Variants in IL17RD observed in about 807,000 individuals in gnomAD.
IL17RD encodes the protein interleukin-17 receptor D.
IL17RD carries 52 observed loss-of-function variants against 80.5 expected under a neutral mutation model. The observed-to-expected ratio is 0.65, with a 90% CI of 0.52 to 0.81. IL17RD has a LOEUF of 0.81. Among genes scored for constraint, IL17RD ranks in the 40% least tolerant of loss-of-function variants. The pLI, the probability that IL17RD is intolerant of heterozygous loss-of-function variation, is 0.00. For synonymous variants in IL17RD, 416 were observed against 391.8 expected (o/e 1.06, Z -0.73); for missense variants, 1,024 against 955.1 (o/e 1.07, Z -0.95).
In IL17RD at chr3:57,097,688, G is replaced by C. The variant is rs1283401346; in HGVS notation, c.2015C>G (p.Ser672Cys). The C allele has an allele frequency of 1.2e-6, 2 of 1,606,344 alleles. No individual in the cohort carries two copies. The highest frequency in any genetic ancestry group is 2.7e-5 in the African/African-American group (2 of 74,860). Reference protein sequence around the residue: ...SGIYDSSVPSSELSLPLMEGL... With the variant: ...SGIYDSSVPSCELSLPLMEGL... Reference sequence around the variant, plus strand: ...TTCCATCAGTGGCAGAGACAGCTCGGATGAGGGCACAGACGAGTCATAGAT... The same window carrying C: ...TTCCATCAGTGGCAGAGACAGCTCGCATGAGGGCACAGACGAGTCATAGAT... Residue 672 changes from serine (S) to cysteine (C), a missense_variant, in exon 12 of 13, where the codon TCC becomes TGC. Ser to Cys is a moderately radical substitution (Grantham distance 112). Transcript: ENST00000296318.
At chr3:57,134,314 G>A (rs549633101) in intron 1 of IL17RD, 13 of 685,100 alleles carry the variant, frequency 1.9e-5, no homozygotes, top group African/African-American at 1.1e-4. Flanking sequence ...TTCCATTCCC[G>A]GGCTTGATGC....
intron 1 of IL17RD, among the ~76,000 whole-genome samples, chr3:57,135,867 C>A (rs1707714337): frequency 6.8e-6 from 1 of 146,962 alleles, no homozygotes; most frequent in South Asian, 2.1e-4. Flanking sequence ...CGGCTGTGTA[C>A]ATGGAAAAGG....
rs540245898 is a variant in IL17RD at position 57,110,544 on chromosome 3, G to A, written c.311-233C>T. Among the ~76,000 whole-genome samples, 6 of 152,224 alleles carry A rather than the reference G, an allele frequency of 3.9e-5. No homozygotes were observed. The South Asian group carries it at 1.0e-3, about 26-fold the overall frequency. On this transcript the variant is annotated intron_variant, in intron 3 of 12. Coordinates refer to ENST00000296318, the MANE Select transcript of IL17RD (RefSeq NM_017563.5). ...TACTAATTAATCCCTAATCCAGCCA[G>A]CTATTTCATAAATACCTATTGCCTC...
rs761626706 is a variant in IL17RD at position 57,098,140 on chromosome 3, C to G, written c.1563G>C (p.Pro521=). 4.3e-6 allele frequency: 7 copies of G among 1,613,826 alleles called. No homozygotes were observed. Among genetic ancestry groups the G allele is most frequent in the Non-Finnish European group, 5.9e-6 (7 of 1,179,886 alleles). The change falls in exon 12 of 13, where the codon CCG becomes CCC. Residue 521 remains proline (P), a synonymous_variant. Transcript: ENST00000296318. ...LHSRDHGLQE[P]GQHTRQGSRR... ...TGCTGCCCTGTCGCGTGTGCTGCCC[C>G]GGCTCCTGGAGGCCGTGGTCTCGGG... is the stretch of plus-strand genomic sequence containing the variant.
chr3:57,136,180 C>T (rs889872712), intron 1 of IL17RD, among the ~76,000 whole-genome samples: 10 of 152,186 alleles, frequency 6.6e-5, no homozygotes, highest in African/African-American at 2.4e-4. Flanking sequence ...AACCTAAGAC[C>T]TCCAACTCTT....
At chr3:57,159,663 G>A (rs1431677041) in intron 1 of IL17RD, among the ~76,000 whole-genome samples, 1 of 152,222 alleles carries the variant, frequency 6.6e-6, no homozygotes, top group Non-Finnish European at 1.5e-5. Flanking sequence ...ACTGAGGGCA[G>A]GAGCTCTCCA....
chr3:57,168,302 C>CTG (rs2060356235), upstream of IL17RD, among the ~76,000 whole-genome samples: 1 of 152,242 alleles, frequency 6.6e-6, no homozygotes, highest in Non-Finnish European at 1.5e-5. Flanking sequence ...CACTCCTGCT[C>CTG]CCTTTCTGTC....
intron 3 of IL17RD, 142 bp from the exon 4 acceptor site, chr3:57,110,453 G>T: frequency 1.1e-6 from 1 of 918,948 alleles, no homozygotes; most frequent in Non-Finnish European, 1.6e-6. Context: ...TGAGTCTATA[G>T]AATGGAAAAA....
chr3:57,117,722 A>T (rs184892690), intron 2 of IL17RD, among the ~76,000 whole-genome samples: 189 of 152,346 alleles, frequency 1.2e-3, no homozygotes, highest in Non-Finnish European at 2.1e-3. Flanking sequence ...GGAAGACAGA[A>T]ATATCTTTTT....
chr3:57,152,225 T>C (rs2060231973), intron 1 of IL17RD, among the ~76,000 whole-genome samples: 1 of 152,154 alleles, frequency 6.6e-6, no homozygotes, highest in Admixed American at 6.5e-5. Flanking sequence ...CCGACCTTTG[T>C]GTCCAGCATG....
intron 11 of IL17RD, among the ~76,000 whole-genome samples, chr3:57,099,657 T>C (rs1706782036): frequency 6.6e-6 from 1 of 152,244 alleles, no homozygotes; most frequent in African/African-American, 2.4e-5. Flanking sequence ...ACATTACACA[T>C]GCTAAAAGCT....
chr3:57,103,101 G>C lies in IL17RD; in HGVS notation c.858C>G (p.Ala286=), dbSNP rs753934953. ...TNTTRKVMHY[A]LKPVHSPWAG... is the part of the protein sequence containing the mutation. Reference sequence around the variant, plus strand: ...CAAAAAAGCACCTACCTGGCTTTAAGGCATAATGCATCACTTTTCTTGTTG... The same window carrying C: ...CAAAAAAGCACCTACCTGGCTTTAACGCATAATGCATCACTTTTCTTGTTG... Residue 286 remains alanine, a synonymous_variant, in exon 9 of 13, where the codon GCC becomes GCG. Transcript: ENST00000296318. The C allele has an allele frequency of 6.2e-7, 1 of 1,600,538 alleles. No individual in the cohort carries two copies.
chr3:57,151,079 C>T (rs999133022), intron 1 of IL17RD, among the ~76,000 whole-genome samples: 1 of 152,166 alleles, frequency 6.6e-6, no homozygotes, highest in African/African-American at 2.4e-5. Flanking sequence ...CCTGCTTAAT[C>T]AACTAAAAAT....
intron 1 of IL17RD, among the ~76,000 whole-genome samples, chr3:57,139,501 G>A (rs1330187949): frequency 6.7e-6 from 1 of 149,040 alleles, no homozygotes; most frequent in African/African-American, 2.5e-5. Context: ...TGGGGTACAT[G>A]CAATGAAAAT....
At chr3:57,130,119 A>G (rs1168462766) in intron 1 of IL17RD, among the ~76,000 whole-genome samples, 1 of 152,236 alleles carries the variant, frequency 6.6e-6, no homozygotes, top group Non-Finnish European at 1.5e-5. Flanking sequence ...GGAAAAGTTT[A>G]CTAGAACCTT....
intron 1 of IL17RD, among the ~76,000 whole-genome samples, chr3:57,122,542 C>A (rs143976772): frequency 1.3e-5 from 2 of 152,272 alleles, no homozygotes; most frequent in East Asian, 1.9e-4. Flanking sequence ...ACTGTGCATA[C>A]GAGGGATCTA....
At chr3:57,096,530 TCA>T in intron 12 of IL17RD, 25 bp from the exon 13 acceptor site, 1 of 1,466,548 alleles carries the variant, frequency 6.8e-7, no homozygotes, top group Non-Finnish European at 9.6e-7. Context: ...GAGTACAGAG[TCA>T]CACTGTCATT....
chr3:57,167,004 G>A (rs2060351405), upstream of IL17RD, among the ~76,000 whole-genome samples: 1 of 152,222 alleles, frequency 6.6e-6, no homozygotes, highest in Non-Finnish European at 1.5e-5. Context: ...GCTAGCAGAA[G>A]TCTTGGGGAT....
At chr3:57,127,199 A>AT (rs1707479122) in intron 1 of IL17RD, among the ~76,000 whole-genome samples, 1 of 117,876 alleles carries the variant, frequency 8.5e-6, no homozygotes, top group African/African-American at 4.3e-5. Flanking sequence ...TATATATATA[A>AT]ATATATATAA....
Sources: gnomAD v4.1 joint callset for allele counts (sites outside exome capture counted in the v4.1 genomes callset) on GRCh38, gnomAD v4.1.1 for gene constraint, MANE v1.5 for transcripts, NCBI Gene and HGNC (gene_info 2026-07-23, HGNC 2026-07-21) for gene names.